SDK1: variants seen among roughly 807,000 people sequenced by gnomAD.
SDK1 encodes the protein sidekick cell adhesion molecule 1, also known as protein sidekick-1.
In SDK1, 157 loss-of-function variants were observed where a neutral mutation model predicts 245.5. That is an observed-to-expected ratio of 0.64 (90% CI 0.56 to 0.73). The LOEUF is 0.73. Among genes scored for constraint, SDK1 ranks in the 30% least tolerant of loss-of-function variants. The pLI is 0.00. For missense variants in SDK1, 3,583 were observed against 3,002.3 expected (o/e 1.19, Z -4.52); for synonymous variants, 1,647 against 1,278.5 (o/e 1.29, Z -6.15).
intron 4 of SDK1, among the ~76,000 whole-genome samples, chr7:3,696,375 A>G (rs1318622643): frequency 6.6e-6 from 1 of 152,116 alleles, no homozygotes; most frequent in Non-Finnish European, 1.5e-5. Context: ...GACACGTTGC[A>G]TATGTGGAGA....
At chr7:3,360,332 A>T (rs141340002) in intron 1 of SDK1, among the ~76,000 whole-genome samples, 1 of 152,296 alleles carries the variant, frequency 6.6e-6, no homozygotes, top group African/African-American at 2.4e-5. Context: ...AGATTTTAGG[A>T]ACTACTGGGG....
chr7:4,060,915 T>C (rs1429098011), intron 19 of SDK1, among the ~76,000 whole-genome samples: 1 of 151,904 alleles, frequency 6.6e-6, no homozygotes, highest in Non-Finnish European at 1.5e-5. Context: ...TACCCATTGC[T>C]TGTTTTTCTC....
At chr7:3,626,736 A>G (rs929128220) in intron 2 of SDK1, among the ~76,000 whole-genome samples, 20 of 152,186 alleles carry the variant, frequency 1.3e-4, no homozygotes, top group African/African-American at 4.3e-4. Context: ...CTTTTTCACC[A>G]GCCCACTGGC....
chr7:3,801,638 A>G (rs1437185459), intron 4 of SDK1, among the ~76,000 whole-genome samples: 2 of 152,152 alleles, frequency 1.3e-5, no homozygotes, highest in Non-Finnish European at 2.9e-5. Flanking sequence ...TCTCATTGAT[A>G]AGGACCCTGA....
At chr7:3,460,086 G>A (rs535382815) in intron 1 of SDK1, among the ~76,000 whole-genome samples, 1 of 152,126 alleles carries the variant, frequency 6.6e-6, no homozygotes, top group Non-Finnish European at 1.5e-5. Context: ...TTTCAAAGTG[G>A]TATAATAAAT....
intron 2 of SDK1, among the ~76,000 whole-genome samples, chr7:3,621,921 C>T (rs951775612): frequency 2.6e-5 from 4 of 152,126 alleles, no homozygotes; most frequent in Non-Finnish European, 4.4e-5. Flanking sequence ...AGTTGAGAAA[C>T]CCTTCTGTTT....
chr7:3,821,701 G>T, intron 5 of SDK1, 118 bp downstream of exon 5: 1 of 1,043,462 alleles, frequency 9.6e-7, no homozygotes, highest in South Asian at 1.8e-5. Context: ...TAGTAGTTAC[G>T]GTTTAATATT....
At chr7:3,955,451 G>A (rs1291870648) in intron 7 of SDK1, among the ~76,000 whole-genome samples, 1 of 152,170 alleles carries the variant, frequency 6.6e-6, no homozygotes, top group East Asian at 1.9e-4. Context: ...CTATTTTAAG[G>A]TGGGATACCT....
intron 4 of SDK1, among the ~76,000 whole-genome samples, chr7:3,741,417 C>A (rs1251697441): frequency 6.6e-6 from 1 of 152,176 alleles, no homozygotes; most frequent in East Asian, 1.9e-4. Context: ...ATCGTGCACC[C>A]CACTGGCCAT....
chr7:3,863,783 T>C (rs1285032288), intron 5 of SDK1, among the ~76,000 whole-genome samples: 1 of 152,240 alleles, frequency 6.6e-6, no homozygotes, highest in African/African-American at 2.4e-5. Context: ...CTGTTAAGGC[T>C]GAAGAATATT....
rs777291763 is a variant in SDK1 at position 4,241,900 on chromosome 7, AAGAACGGGACCAGGTAGGCAGGC to A, written c.6241_6251+12del. On this transcript the variant is annotated splice_donor_variant and splice_donor_5th_base_variant and coding_sequence_variant and intron_variant, in exon 43 of 45. Coordinates refer to ENST00000404826, the MANE Select transcript of SDK1 (RefSeq NM_152744.4). LOFTEE classifies it high-confidence loss of function. Reference sequence around the variant, plus strand: ...CAATGTCAAGAGCACCTTCTCCAAGAAGAACGGGACCAGGTAGGCAGGCAGTGCTGTGCTGCGCCCACCTGGGG... The same window carrying A: ...CAATGTCAAGAGCACCTTCTCCAAGAAGTGCTGTGCTGCGCCCACCTGGGG... 6.2e-7 allele frequency: 1 copy of A among 1,613,646 alleles called. No individual in the cohort carries two copies. Among genetic ancestry groups the A allele is most frequent in the Non-Finnish European group, 8.5e-7 (1 of 1,180,040 alleles).
At chr7:3,458,275 C>T (rs188491634) in intron 1 of SDK1, among the ~76,000 whole-genome samples, 1 of 151,884 alleles carries the variant, frequency 6.6e-6, no homozygotes, top group Admixed American at 6.6e-5. Context: ...TTATTTCTTT[C>T]CCCTGTTGTC....
intron 4 of SDK1, among the ~76,000 whole-genome samples, chr7:3,732,760 T>C (rs925991794): frequency 6.6e-6 from 1 of 152,218 alleles, no homozygotes; most frequent in Non-Finnish European, 1.5e-5. Flanking sequence ...CAAGATGCCA[T>C]AGCAGCTTCA....
rs1420796071 is a variant in SDK1 at position 4,139,463 on chromosome 7, ATATATGTGTGTG to A, written c.4229-6241_4229-6230del. Among the ~76,000 whole-genome samples the A allele has an allele frequency of 2.0e-4, 29 of 141,598 alleles. 1 individual carries two copies. The highest frequency in any genetic ancestry group is 9.0e-4 in the South Asian group (4 of 4,422). 92.9% of individuals were successfully genotyped at this position (141,598 alleles called of 152,430 possible). On this transcript the variant is annotated intron_variant, in intron 28 of 44. Transcript: ENST00000404826. ...TGTGTGTATATGTGTGTGTATATGT[ATATATGTGTGTG>A]TATATGTGTGTGTATATATGTGTGT...
At chr7:3,463,040 G>T (rs934938594) in intron 1 of SDK1, among the ~76,000 whole-genome samples, 2 of 152,072 alleles carry the variant, frequency 1.3e-5, no homozygotes, top group African/African-American at 4.8e-5. Context: ...ATTGTGCCTT[G>T]TTCCCTCCTG....
At chr7:3,540,110 C>G (rs1232078311) in intron 1 of SDK1, among the ~76,000 whole-genome samples, 1 of 152,102 alleles carries the variant, frequency 6.6e-6, no homozygotes, top group African/African-American at 2.4e-5. Context: ...TCTGGTAAAC[C>G]CAAAAGAAGA....
At chr7:4,060,035 ACACCTAGCTAACTT>A (rs368218810) in intron 19 of SDK1, among the ~76,000 whole-genome samples, 15 of 152,018 alleles carry the variant, frequency 9.9e-5, no homozygotes, top group African/African-American at 3.4e-4. Flanking sequence ...GCCCACCACC[ACACCTAGCTAACTT>A]TTTTGTATTT....
At chr7:4,233,214 C>A (rs772036074) in intron 40 of SDK1, 41 bp from the exon 41 acceptor site, 1 of 1,583,362 alleles carries the variant, frequency 6.3e-7, no homozygotes, top group Non-Finnish European at 8.6e-7. Context: ...TGGGACTTCG[C>A]ACTTCTAACC....
rs188870072 is a variant in SDK1 at position 3,514,405 on chromosome 7, A to G, written c.299-104675A>G. ...TTTACATATCAGTTGATGAACTATT[A>G]CTGTTTTTGATAGAAAATCCATGTG... On this transcript the variant is annotated intron_variant, in intron 1 of 44. Coordinates refer to ENST00000404826, the MANE Select transcript of SDK1 (RefSeq NM_152744.4). Among the ~76,000 whole-genome samples the G allele has an allele frequency of 2.4e-3, 370 of 152,312 alleles. 3 individuals are homozygous for G. Among genetic ancestry groups the G allele is most frequent in the South Asian group, 0.018 (88 of 4,832 alleles).
Sources: allele counts gnomAD v4.1 joint callset (sites outside exome capture counted in the v4.1 genomes callset), GRCh38; gene constraint gnomAD v4.1.1; transcripts MANE v1.5; gene names NCBI Gene and HGNC (gene_info 2026-07-23, HGNC 2026-07-21).